Variants in DSN1 observed in about 807,000 individuals in gnomAD.
DSN1 encodes kinetochore-associated protein DSN1 homolog.
Under a neutral mutation model 45.7 loss-of-function variants are expected in DSN1, and 31 were observed. The ratio of observed to expected loss-of-function variants is 0.68; its 90% confidence interval spans 0.51 to 0.92. The LOEUF is 0.92. Ranked by LOEUF, DSN1 falls within the 40% of genes least tolerant of loss-of-function variation. The pLI, the probability that DSN1 is intolerant of heterozygous loss-of-function variation, is 0.00. For synonymous variants in DSN1, 134 were observed against 142.3 expected (o/e 0.94, Z 0.41); for missense variants, 394 against 414.2 (o/e 0.95, Z 0.42).
At chr20:36,753,038 C>T in intron 10 of DSN1, 141 bp from the exon 11 acceptor site, 2 of 685,686 alleles carry the variant, frequency 2.9e-6, no homozygotes, top group East Asian at 2.7e-5. Context: ...AAGGAGATGA[C>T]AATTTGGTAA....
rs1987768591 is a variant in DSN1, at chr20:36,773,657, C to T, written c.-16+5G>A. The T allele has an allele frequency of 2.0e-6, 2 of 985,710 alleles. No homozygotes were observed. The highest frequency in any genetic ancestry group is 2.4e-6 in the Non-Finnish European group (2 of 830,136). The allele number at this position is 985,710 out of a possible 1,614,324, so 61.1% of individuals were successfully genotyped here. On this transcript the variant is annotated splice_donor_5th_base_variant and intron_variant, in intron 1 of 10. Coordinates refer to ENST00000373750, the MANE Select transcript of DSN1 (RefSeq NM_001145315.2). The stretch of plus-strand genomic sequence containing the variant: ...TGACGCCCGTCCAGTCCGGAACCTC[C>T]GTACCTGAAACACAAGGCCACGGGT...
At position 36,767,301 on chromosome 20, in the gene DSN1, G is replaced by A. The variant is rs542891072; in HGVS notation, c.430-460C>T. Among the ~76,000 whole-genome samples the A allele has an allele frequency of 5.9e-5, 9 of 151,388 alleles. No homozygotes were observed. In the East Asian group the frequency reaches 1.4e-3, roughly 23 times the overall value. ...CAGCCTGGTGACAGAGCAAGACTCC[G>A]TCTCAAAAAAACAACAAAAAACAAA... On this transcript the variant is annotated intron_variant, in intron 4 of 10. Transcript: ENST00000373750.
At chr20:36,760,469 T>G (rs751424576) in intron 6 of DSN1, among the ~76,000 whole-genome samples, 3 of 152,238 alleles carry the variant, frequency 2.0e-5, no homozygotes, top group Non-Finnish European at 4.4e-5. Flanking sequence ...TTATATGTAC[T>G]TGGTATTCTA....
rs921891370 is a variant in DSN1 at position 36,768,115 on chromosome 20, T to C, written c.356-73A>G. 146 of 1,445,884 alleles carry C rather than the reference T, an allele frequency of 1.0e-4. No individual in the cohort carries two copies. The Admixed American group carries it at 2.6e-3, about 26-fold the overall frequency. The allele number at this position is 1,445,884 out of a possible 1,614,324, so 89.6% of individuals were successfully genotyped here. On this transcript the variant is annotated intron_variant, in intron 3 of 10. Coordinates refer to ENST00000373750, the MANE Select transcript of DSN1 (RefSeq NM_001145315.2). Reference sequence around the variant, plus strand: ...TAGCAACTAACAAAACTGAAAAATGTCCTCCCTCTTGATAAATCCAACTTA... The same window carrying C: ...TAGCAACTAACAAAACTGAAAAATGCCCTCCCTCTTGATAAATCCAACTTA...
intron 3 of DSN1, among the ~76,000 whole-genome samples, chr20:36,769,410 T>A (rs1987516556): frequency 2.0e-5 from 3 of 152,234 alleles, no homozygotes. Context: ...CTTATTACAC[T>A]GATGCTTTTC....
intron 8 of DSN1, among the ~76,000 whole-genome samples, chr20:36,756,331 G>A (rs78454987): frequency 0.051 from 7,746 of 152,012 alleles, 709 homozygotes; most frequent in African/African-American, 0.18. Flanking sequence ...TTATACCTCC[G>A]GACTCCAGGA....
At chr20:36,773,317 C>T in intron 1 of DSN1, 1 of 956,200 alleles carries the variant, frequency 1.0e-6, no homozygotes, top group Non-Finnish European at 1.2e-6. Context: ...GGGCAAAAAG[C>T]CTGGCCCAAG....
intron 4 of DSN1, 32 bp downstream of exon 4, chr20:36,767,937 A>C (rs1190083874): frequency 6.2e-7 from 1 of 1,608,198 alleles, no homozygotes; most frequent in Non-Finnish European, 8.5e-7. Context: ...GTTAACAAAC[A>C]CAAAAACATT....
At chr20:36,760,431 G>T (rs1986914877) in intron 6 of DSN1, among the ~76,000 whole-genome samples, 1 of 152,110 alleles carries the variant, frequency 6.6e-6, no homozygotes, top group South Asian at 2.1e-4. Context: ...TTATGAAAAA[G>T]AAGCAGGCCT....
Position 36,755,813 on chromosome 20 carries a change from TG to T in DSN1, c.741del (p.Ile249LeufsTer9). 6.2e-7 allele frequency: 1 copy of T among 1,611,572 alleles called. No individual in the cohort carries two copies. The highest frequency in any genetic ancestry group is 8.5e-7 in the Non-Finnish European group (1 of 1,179,366). Reference sequence around the variant, plus strand: ...GGTTCCACTTTGACCTCAGTAATTTTGGCCTCAGTTGATCCTCTAAAAACAA... The same window carrying T: ...GGTTCCACTTTGACCTCAGTAATTTTGCCTCAGTTGATCCTCTAAAAACAA... Reference protein sequence around the residue: ...KEILSRGSTEAKITEVKVEPM... With the variant: ...KEILSRGSTEXKITEVKVEPM... On this transcript the variant is annotated frameshift_variant, in exon 9 of 11. Transcript: ENST00000373750. LOFTEE classifies it high-confidence loss of function.
chr20:36,754,930 C>T, intron 9 of DSN1, 80 bp from the exon 10 acceptor site: 1 of 1,206,436 alleles, frequency 8.3e-7, no homozygotes, highest in Admixed American at 1.9e-5. Context: ...CAAGCTCTTG[C>T]TCAGGAGCTC....
At chr20:36,766,470 C>T (rs1016356438) in intron 5 of DSN1, among the ~76,000 whole-genome samples, 1 of 152,046 alleles carries the variant, frequency 6.6e-6, no homozygotes, top group African/African-American at 2.4e-5. Context: ...AGTTCAAGAT[C>T]AGCCTGGCCA....
rs1233890688 is a variant in DSN1, at chr20:36,770,871, A to T, written c.355+2T>A. The T allele has an allele frequency of 6.2e-7, 1 of 1,606,288 alleles. No homozygotes were observed. Among genetic ancestry groups the T allele is most frequent in the Non-Finnish European group, 8.5e-7 (1 of 1,177,680 alleles). On this transcript the variant is annotated splice_donor_variant, in intron 3 of 10. Coordinates refer to ENST00000373750, the MANE Select transcript of DSN1 (RefSeq NM_001145315.2). LOFTEE classifies it high-confidence loss of function. ...CACTGTCTTGTGTACACAGCACCCC[A>T]CCTGTGATGCCCTGGTGAATGGGAT...
At chr20:36,754,929 G>T in intron 9 of DSN1, 79 bp from the exon 10 acceptor site, 1 of 1,216,426 alleles carries the variant, frequency 8.2e-7, no homozygotes, top group African/African-American at 1.5e-5. Flanking sequence ...GCAAGCTCTT[G>T]CTCAGGAGCT....
intron 8 of DSN1, among the ~76,000 whole-genome samples, 194 bp downstream of exon 8, chr20:36,757,893 T>C (rs1012071292): frequency 6.6e-6 from 1 of 152,254 alleles, no homozygotes; most frequent in Non-Finnish European, 1.5e-5. Flanking sequence ...CTGAAAATAG[T>C]GACACCAACT....
intron 3 of DSN1, among the ~76,000 whole-genome samples, chr20:36,769,934 C>CAA (rs1987547315): frequency 1.6e-5 from 2 of 123,956 alleles, no homozygotes; most frequent in Non-Finnish European, 3.4e-5. Flanking sequence ...CACACACACA[C>CAA]ACACACAGAG....
intron 4 of DSN1, among the ~76,000 whole-genome samples, chr20:36,767,238 C>T (rs1028059467): frequency 2.6e-5 from 4 of 151,826 alleles, no homozygotes; most frequent in African/African-American, 9.7e-5. Flanking sequence ...ACCTGGGAGG[C>T]GGAGGTTGCA....
chr20:36,769,508 A>C (rs1987521190), intron 3 of DSN1, among the ~76,000 whole-genome samples: 1 of 152,180 alleles, frequency 6.6e-6, no homozygotes, highest in Non-Finnish European at 1.5e-5. Context: ...TTAGGGACTA[A>C]AGTACATGGG....
In DSN1 at chr20:36,752,213, C is replaced by T. The variant is rs970194096; in HGVS notation, c.*575G>A. ...AGCACTACAGGCACACGCCACCACA[C>T]CCAGCTAACTTTTTGTATTTTTTGT... is the stretch of plus-strand genomic sequence containing the variant. On this transcript the variant is annotated 3_prime_UTR_variant, in exon 11 of 11. Transcript: ENST00000373750. 1 of 152,238 alleles carries T rather than the reference C, an allele frequency of 6.6e-6. No individual in the cohort carries two copies. The highest frequency in any genetic ancestry group is 6.5e-5 in the Admixed American group (1 of 15,272). 9.4% of individuals were successfully genotyped at this position (152,238 alleles called of 1,614,324 possible). A position where few individuals can be genotyped will look rare whatever the true frequency, so the allele number is the denominator to read the frequency against.
Sources: allele counts gnomAD v4.1 joint callset (sites outside exome capture counted in the v4.1 genomes callset), GRCh38; gene constraint gnomAD v4.1.1; transcripts MANE v1.5; gene names NCBI Gene and HGNC (gene_info 2026-07-23, HGNC 2026-07-21).